Variants in RANBP9 observed in about 807,000 individuals in gnomAD.
RANBP9 encodes RAN binding protein 9.
Under a neutral mutation model 84.3 loss-of-function variants are expected in RANBP9, and 15 were observed. The ratio of observed to expected loss-of-function variants is 0.18; its 90% CI spans 0.12 to 0.27. The LOEUF is 0.27. Among genes scored for constraint, RANBP9 ranks in the 10% least tolerant of loss-of-function variants. The pLI is 1.00. For missense variants in RANBP9, 809 were observed against 912.8 expected (o/e 0.89, Z 1.46); for synonymous variants, 392 against 349.6 (o/e 1.12, Z -1.35).
chr6:13,674,516 A>G (rs908255734), intron 2 of RANBP9, among the ~76,000 whole-genome samples: 1 of 152,234 alleles, frequency 6.6e-6, no homozygotes, highest in Non-Finnish European at 1.5e-5. Context: ...ACTGGAGGCT[A>G]TATGTGCAAA....
chr6:13,641,164 T>TTTG (rs1765053699), intron 8 of RANBP9, 35 bp downstream of exon 8: 1 of 1,211,918 alleles, frequency 8.3e-7, no homozygotes, highest in East Asian at 2.6e-5. Flanking sequence ...ATTTATAATA[T>TTTG]ATAACAAATA....
chr6:13,625,911 C>T (rs1343648201), intron 12 of RANBP9, 147 bp from the exon 13 acceptor site: 1 of 555,906 alleles, frequency 1.8e-6, no homozygotes. Flanking sequence ...CACTGGGACG[C>T]TCTACATTTT....
At chr6:13,644,402 G>T in intron 6 of RANBP9, 143 bp downstream of exon 6, 1 of 757,224 alleles carries the variant, frequency 1.3e-6, no homozygotes, top group Non-Finnish European at 2.0e-6. Context: ...ATTACTTTTC[G>T]TTGAGAGATT....
chr6:13,635,225 G>C (rs1001384891), intron 10 of RANBP9, among the ~76,000 whole-genome samples: 4 of 152,138 alleles, frequency 2.6e-5, no homozygotes, highest in African/African-American at 9.7e-5. Flanking sequence ...CTTTTAAACT[G>C]ATGTCCTGGA....
intron 2 of RANBP9, among the ~76,000 whole-genome samples, chr6:13,678,040 T>C (rs1029158260): frequency 6.6e-6 from 1 of 152,100 alleles, no homozygotes; most frequent in African/African-American, 2.4e-5. Flanking sequence ...GATCACTAAG[T>C]CCAGGAGTTC....
chr6:13,693,022 T>C (rs1272957768), intron 2 of RANBP9, among the ~76,000 whole-genome samples: 2 of 152,236 alleles, frequency 1.3e-5, no homozygotes, highest in Non-Finnish European at 2.9e-5. Context: ...ATGTTGGCAG[T>C]AAGCAGACAA....
chr6:13,638,146 C>G (rs922177748), intron 9 of RANBP9, among the ~76,000 whole-genome samples, 191 bp from the exon 10 acceptor site: 2 of 152,162 alleles, frequency 1.3e-5, no homozygotes, highest in Non-Finnish European at 2.9e-5. Context: ...ATTACCTCAT[C>G]TAACATTTAT....
At chr6:13,684,080 C>A (rs977911841) in intron 2 of RANBP9, among the ~76,000 whole-genome samples, 9 of 152,170 alleles carry the variant, frequency 5.9e-5, no homozygotes, top group Non-Finnish European at 1.0e-4. Flanking sequence ...CTATGCACAG[C>A]AAGTGCTAGG....
intron 1 of RANBP9, among the ~76,000 whole-genome samples, chr6:13,701,641 G>A (rs957777555): frequency 1.3e-5 from 2 of 151,832 alleles, no homozygotes; most frequent in African/African-American, 4.8e-5. Flanking sequence ...ATGGTGGTGC[G>A]CAACTGTATT....
At chr6:13,685,045 C>A (rs1448560836) in intron 2 of RANBP9, among the ~76,000 whole-genome samples, 2 of 152,174 alleles carry the variant, frequency 1.3e-5, no homozygotes, top group African/African-American at 4.8e-5. Context: ...ACAACAAGGT[C>A]TCTCCCACCC....
chr6:13,706,338 G>A (rs148164489), intron 1 of RANBP9, among the ~76,000 whole-genome samples: 46 of 150,098 alleles, frequency 3.1e-4, no homozygotes, highest in Non-Finnish European at 6.1e-4. Context: ...AGCAAGACTC[G>A]GTCTCAAAAA....
At chr6:13,667,651 TTG>T (rs1562311461) in intron 2 of RANBP9, among the ~76,000 whole-genome samples, 1 of 152,152 alleles carries the variant, frequency 6.6e-6, no homozygotes, top group African/African-American at 2.4e-5. Context: ...CACAAAACCA[TTG>T]TGTTACAATT....
At chr6:13,627,975 A>G (rs949777866) in intron 12 of RANBP9, among the ~76,000 whole-genome samples, 1 of 151,676 alleles carries the variant, frequency 6.6e-6, no homozygotes, top group African/African-American at 2.4e-5. Flanking sequence ...AACTTAAAGG[A>G]AAAAAAAATA....
At chr6:13,629,921 CGTGTGT>C (rs3063992) in intron 12 of RANBP9, among the ~76,000 whole-genome samples, 29 of 128,342 alleles carry the variant, frequency 2.3e-4, no homozygotes, top group Non-Finnish European at 3.8e-4. Flanking sequence ...CTCTCTCTCT[CGTGTGT>C]GTGTGTGTGT....
At chr6:13,633,875 T>C (rs2127762383) in intron 11 of RANBP9, among the ~76,000 whole-genome samples, 1 of 152,172 alleles carries the variant, frequency 6.6e-6, no homozygotes, top group East Asian at 1.9e-4. Context: ...ATTTACTACT[T>C]AAGTTGTCTA....
chr6:13,658,717 G>C (rs1765466499), intron 3 of RANBP9, 63 bp downstream of exon 3: 6 of 1,320,854 alleles, frequency 4.5e-6, no homozygotes, highest in South Asian at 1.3e-5. Context: ...TTTCTTACTT[G>C]AAAAATTTAA....
chr6:13,654,426 CCTTT>C (rs774220615), intron 4 of RANBP9, among the ~76,000 whole-genome samples: 1 of 152,060 alleles, frequency 6.6e-6, no homozygotes, highest in Non-Finnish European at 1.5e-5. Context: ...TCAAATAAAA[CCTTT>C]CTATTTTTCC....
Position 13,639,553 on chromosome 6 carries a change from T to C in RANBP9, c.1525+10A>G. On this transcript the variant is annotated intron_variant, in intron 9 of 13. Transcript: ENST00000011619. ...AAAATCTAAAAATAATGTCATAAGT[T>C]AAATCTCACCTGAAAAATGTGCGGT... 1 of 1,584,386 alleles carries C rather than the reference T, an allele frequency of 6.3e-7. No homozygotes were observed. Among genetic ancestry groups the C allele is most frequent in the Non-Finnish European group, 8.7e-7 (1 of 1,153,400 alleles).
intron 2 of RANBP9, among the ~76,000 whole-genome samples, chr6:13,680,172 C>G (rs1221050080): frequency 6.6e-6 from 1 of 151,958 alleles, no homozygotes; most frequent in Non-Finnish European, 1.5e-5. Flanking sequence ...AGAAGTTAGT[C>G]AAAGAAGACC....
Sources: allele counts gnomAD v4.1 joint callset (sites outside exome capture counted in the v4.1 genomes callset), GRCh38; gene constraint gnomAD v4.1.1; transcripts MANE v1.5; gene names NCBI Gene and HGNC (gene_info 2026-07-23, HGNC 2026-07-21).